Variants in SETBP1 observed in about 807,000 individuals in gnomAD.
SETBP1 encodes SET binding protein 1, also known as SET-binding protein.
A neutral mutation model predicts 101.0 loss-of-function variants in SETBP1; 9 were observed. The ratio of observed to expected loss-of-function variants is 0.09; its 90% CI spans 0.05 to 0.16. The LOEUF (loss-of-function observed/expected upper bound fraction) is 0.16. Ranked by LOEUF, SETBP1 falls within the 10% of genes least tolerant of loss-of-function variation. SETBP1 has a pLI of 1.00. For missense variants in SETBP1, 1,858 were observed against 2,033.8 expected, an observed-to-expected ratio of 0.91 and a Z score of 1.66; for synonymous variants, 818 against 788.5, an observed-to-expected ratio of 1.04 and a Z score of -0.63.
Position 45,064,808 on chromosome 18 carries a change from C to CAAAAA in SETBP1, c.*1123_*1127dup, listed in dbSNP as rs57937684. 1.3e-5 allele frequency: 1 copy of CAAAAA among 77,670 alleles called. No homozygotes were observed. The highest frequency in any genetic ancestry group is 4.3e-5 in the African/African-American group (1 of 23,178). 4.8% of individuals were successfully genotyped at this position (77,670 alleles called of 1,614,324 possible). ...ATTCAAATAATTGTCATAGGTTGTT[C>CAAAAA]AAAAAAAAAAAAAAAAAGGAAACAA... On this transcript the variant is annotated 3_prime_UTR_variant, in exon 6 of 6. Coordinates refer to ENST00000649279, the MANE Select transcript of SETBP1 (RefSeq NM_015559.3).
At chr18:44,965,474 T>C (rs1329369847) in intron 4 of SETBP1, among the ~76,000 whole-genome samples, 1 of 152,188 alleles carries the variant, frequency 6.6e-6, no homozygotes, top group African/African-American at 2.4e-5. Flanking sequence ...AGTATATCTA[T>C]GGAAATTCCT....
Position 44,703,061 on chromosome 18 carries a change from C to T in SETBP1, c.486+1229C>T, listed in dbSNP as rs16978146. ...ACAGTGACTTACAGTGACCTCCCTTCCTGTGTGTGGCACTCAGCTGTGATA... is the reference window on the plus strand; with the variant it reads ...ACAGTGACTTACAGTGACCTCCCTTTCTGTGTGTGGCACTCAGCTGTGATA... On this transcript the variant is annotated intron_variant, in intron 2 of 5. Coordinates refer to ENST00000649279, the MANE Select transcript of SETBP1 (RefSeq NM_015559.3). Among the ~76,000 whole-genome samples the T allele has an allele frequency of 7.5e-3, 1,138 of 152,308 alleles. 8 individuals carry two copies. The highest frequency in any genetic ancestry group is 0.024 in the Middle Eastern group (7 of 294).
At chr18:45,019,396 A>T (rs916755569) in intron 4 of SETBP1, among the ~76,000 whole-genome samples, 1 of 152,236 alleles carries the variant, frequency 6.6e-6, no homozygotes, top group Non-Finnish European at 1.5e-5. Context: ...TGAAACATGT[A>T]TATATTGTGG....
intron 2 of SETBP1, among the ~76,000 whole-genome samples, chr18:44,832,153 C>T (rs2072385823): frequency 6.6e-6 from 1 of 152,146 alleles, no homozygotes; most frequent in African/African-American, 2.4e-5. Flanking sequence ...TTTTGACTGT[C>T]AGGCCCATCA....
At chr18:44,766,222 T>C (rs2144612015) in intron 2 of SETBP1, among the ~76,000 whole-genome samples, 1 of 152,354 alleles carries the variant, frequency 6.6e-6, no homozygotes, top group South Asian at 2.1e-4. Context: ...AAATAGAGCA[T>C]GATACATGGT....
chr18:44,743,816 G>T (rs2070154838), intron 2 of SETBP1, among the ~76,000 whole-genome samples: 1 of 152,142 alleles, frequency 6.6e-6, no homozygotes, highest in African/African-American at 2.4e-5. Context: ...TGCTGCCATT[G>T]TCTGCTCCCT....
chr18:45,016,816 C>A (rs1405170788), intron 4 of SETBP1, among the ~76,000 whole-genome samples: 1 of 150,280 alleles, frequency 6.7e-6, no homozygotes, highest in Non-Finnish European at 1.5e-5. Context: ...TCCCCACCTC[C>A]TATTCCCCGG....
chr18:44,838,464 A>G (rs1205420516), intron 2 of SETBP1, among the ~76,000 whole-genome samples: 4 of 152,150 alleles, frequency 2.6e-5, no homozygotes, highest in Non-Finnish European at 5.9e-5. Flanking sequence ...GGACACCATG[A>G]AGATGCTCTT....
intron 2 of SETBP1, among the ~76,000 whole-genome samples, chr18:44,715,246 C>T (rs549038041): frequency 5.4e-4 from 83 of 152,328 alleles, no homozygotes; most frequent in African/African-American, 1.8e-3. Flanking sequence ...TCCTGGAGAC[C>T]CACAGCGCCT....
At chr18:45,027,516 G>C (rs1479270415) in intron 4 of SETBP1, among the ~76,000 whole-genome samples, 1 of 152,148 alleles carries the variant, frequency 6.6e-6, no homozygotes, top group African/African-American at 2.4e-5. Flanking sequence ...CTTTGGATCA[G>C]TCTTATGCTA....
intron 3 of SETBP1, among the ~76,000 whole-genome samples, chr18:44,916,274 T>C (rs2070425033): frequency 6.6e-6 from 1 of 152,124 alleles, no homozygotes; most frequent in African/African-American, 2.4e-5. Context: ...AAATCATCCT[T>C]CTTATTGATG....
chr18:44,713,395 A>G (rs1360730365), intron 2 of SETBP1, among the ~76,000 whole-genome samples: 2 of 152,104 alleles, frequency 1.3e-5, no homozygotes, highest in Admixed American at 6.5e-5. Context: ...TCTTTCTTAT[A>G]TTGCACTAGG....
intron 3 of SETBP1, among the ~76,000 whole-genome samples, chr18:44,905,794 T>A (rs2070161908): frequency 6.6e-6 from 1 of 152,182 alleles, no homozygotes; most frequent in Non-Finnish European, 1.5e-5. Context: ...TCAACAGGTG[T>A]CACACAAAAA....
chr18:44,692,785 A>C (rs1467950055), intron 1 of SETBP1, among the ~76,000 whole-genome samples: 2 of 152,206 alleles, frequency 1.3e-5, no homozygotes, highest in Non-Finnish European at 2.9e-5. Context: ...GAGTTAACCA[A>C]GTAGAGAAAG....
At chr18:44,967,636 A>G (rs535906564) in intron 4 of SETBP1, among the ~76,000 whole-genome samples, 5 of 152,266 alleles carry the variant, frequency 3.3e-5, no homozygotes, top group East Asian at 3.9e-4. Context: ...TCAGAGGTCA[A>G]TCTAATTGTT....
At chr18:45,011,675 G>A (rs1026873003) in intron 4 of SETBP1, among the ~76,000 whole-genome samples, 1 of 152,188 alleles carries the variant, frequency 6.6e-6, no homozygotes, top group African/African-American at 2.4e-5. Flanking sequence ...ATGCATGTGA[G>A]TTCCAATAGT....
At chr18:44,737,950 G>T (rs1195651817) in intron 2 of SETBP1, among the ~76,000 whole-genome samples, 4 of 152,154 alleles carry the variant, frequency 2.6e-5, no homozygotes, top group Non-Finnish European at 5.9e-5. Flanking sequence ...TCACTATTTT[G>T]ATAGCAACAA....
At chr18:44,886,809 A>T (rs1240223974) in intron 3 of SETBP1, among the ~76,000 whole-genome samples, 1 of 150,826 alleles carries the variant, frequency 6.6e-6, no homozygotes, top group Admixed American at 6.6e-5. Context: ...AAGGAAGCCA[A>T]CTGTTTCATT....
chr18:44,956,048 A>G (rs148130881), intron 4 of SETBP1, among the ~76,000 whole-genome samples: 147 of 152,068 alleles, frequency 9.7e-4, no homozygotes, highest in African/African-American at 3.4e-3. Context: ...CTTTGTTTCT[A>G]TCTCTGTCCT....
Sources: gnomAD v4.1 joint callset for allele counts (sites outside exome capture counted in the v4.1 genomes callset) on GRCh38, gnomAD v4.1.1 for gene constraint, MANE v1.5 for transcripts, NCBI Gene and HGNC (gene_info 2026-07-23, HGNC 2026-07-21) for gene names.